WSCD2: variants seen among roughly 807,000 people sequenced by gnomAD.
WSCD2 encodes the protein WSC domain sialate O sulfotransferase 2, also known as sialate:O-sulfotransferase 2.
A neutral mutation model predicts 55.7 loss-of-function variants in WSCD2; 28 were observed. The observed-to-expected ratio is 0.50, with a 90% CI of 0.37 to 0.69. The LOEUF is 0.69. WSCD2 is among the 30% of genes least tolerant of loss of function. WSCD2 has a pLI of 0.00. For missense variants in WSCD2, 616 were observed against 762.1 expected, an observed-to-expected ratio of 0.81 and a Z score of 2.26; for synonymous variants, 301 against 301.9, an observed-to-expected ratio of 1.00 and a Z score of 0.03.
intron 1 of WSCD2, among the ~76,000 whole-genome samples, chr12:108,155,855 A>T (rs1666071744): frequency 1.3e-5 from 2 of 152,192 alleles, no homozygotes. Context: ...GAAGATGAAG[A>T]TGATCTGAAA....
chr12:108,147,895 A>G (rs1326903925), intron 1 of WSCD2, among the ~76,000 whole-genome samples: 3 of 151,528 alleles, frequency 2.0e-5, no homozygotes, highest in Non-Finnish European at 4.4e-5. Context: ...AAATGACCAT[A>G]CTCTTTCTCT....
At position 108,180,402 on chromosome 12, in the gene WSCD2, G is replaced by C. The variant is rs573216959; in HGVS notation, c.-551-14880G>C. Reference sequence around the variant, plus strand: ...TTTTCCTCAGAGATGATGCATTTGTGCAGTTTGTGCAGGATACTCTCGCTG... The same window carrying C: ...TTTTCCTCAGAGATGATGCATTTGTCCAGTTTGTGCAGGATACTCTCGCTG... On this transcript the variant is annotated intron_variant, in intron 1 of 8. Coordinates refer to ENST00000547525, the MANE Select transcript of WSCD2 (RefSeq NM_014653.4). Among the ~76,000 whole-genome samples, 48 of 152,344 alleles carry C rather than the reference G, an allele frequency of 3.2e-4. No homozygotes were observed. The South Asian group carries it at 7.0e-3, about 22-fold the overall frequency.
intron 1 of WSCD2, among the ~76,000 whole-genome samples, chr12:108,165,703 T>C (rs953065508): frequency 5.9e-4 from 90 of 152,370 alleles, no homozygotes; most frequent in Middle Eastern, 6.8e-3. Context: ...CACACCACCC[T>C]TGCAATTTTT....
chr12:108,201,143 C>A (rs1884617176), intron 2 of WSCD2, among the ~76,000 whole-genome samples: 1 of 152,202 alleles, frequency 6.6e-6, no homozygotes, highest in Non-Finnish European at 1.5e-5. Context: ...GATATCTATT[C>A]TCTCACAGTT....
At chr12:108,236,408 A>G (rs1364689719) in intron 7 of WSCD2, among the ~76,000 whole-genome samples, 1 of 152,176 alleles carries the variant, frequency 6.6e-6, no homozygotes, top group Non-Finnish European at 1.5e-5. Flanking sequence ...GGAGGGAATT[A>G]ATGAGTGAAT....
chr12:108,236,390 G>A (rs1889265608), intron 7 of WSCD2, among the ~76,000 whole-genome samples: 1 of 152,198 alleles, frequency 6.6e-6, no homozygotes, highest in African/African-American at 2.4e-5. Context: ...AGCTGGTGAG[G>A]CAGGGAGGGA....
intron 8 of WSCD2, 67 bp downstream of exon 8, chr12:108,240,611 C>A (rs1454743185): frequency 4.8e-6 from 7 of 1,469,078 alleles, no homozygotes; most frequent in Admixed American, 3.9e-5. Flanking sequence ...GTGGGAGGGT[C>A]CCGTGCTCCG....
intron 8 of WSCD2, among the ~76,000 whole-genome samples, chr12:108,241,271 A>G (rs922520399): frequency 3.1e-4 from 47 of 152,214 alleles, no homozygotes; most frequent in African/African-American, 9.9e-4. Flanking sequence ...TTACTAGGTG[A>G]CAGAGGGCTG....
At chr12:108,140,125 C>T (rs1383809838) in intron 1 of WSCD2, among the ~76,000 whole-genome samples, 12 of 152,178 alleles carry the variant, frequency 7.9e-5, no homozygotes, top group African/African-American at 1.4e-4. Context: ...TCCCGAGTCA[C>T]GCCCAGGGTC....
intron 1 of WSCD2, among the ~76,000 whole-genome samples, chr12:108,175,643 C>G (rs538206230): frequency 6.6e-6 from 1 of 152,146 alleles, no homozygotes; most frequent in African/African-American, 2.4e-5. Flanking sequence ...GGATGAGGGG[C>G]GTGTGGGAAC....
At chr12:108,182,425 C>T (rs113209488) in intron 1 of WSCD2, among the ~76,000 whole-genome samples, 2,467 of 152,266 alleles carry the variant, frequency 0.016, 36 homozygotes, top group Non-Finnish European at 0.028. Flanking sequence ...TTGGAGAGCC[C>T]ACCAACATTG....
chr12:108,224,499 G>C (rs191444327), intron 4 of WSCD2, among the ~76,000 whole-genome samples: 1 of 152,330 alleles, frequency 6.6e-6, no homozygotes, highest in Admixed American at 6.5e-5. Context: ...TCAGCGACCT[G>C]GGTTGTTGAC....
chr12:108,209,100 T>C (rs1283035001), intron 3 of WSCD2, among the ~76,000 whole-genome samples: 2 of 152,226 alleles, frequency 1.3e-5, no homozygotes, highest in East Asian at 1.9e-4. Context: ...CAAGCAATGC[T>C]CTTTTCATTT....
In WSCD2 at chr12:108,196,219, G is replaced by C; in HGVS notation, c.382+5G>C. ...GGGAGAAGGAGGAAGAGCGAGGTAA[G>C]AGCGAGGAACATCTGGACACTGAGG... On this transcript the variant is annotated splice_donor_5th_base_variant and intron_variant, in intron 2 of 8. Transcript: ENST00000547525. 1 of 1,609,806 alleles carries C rather than the reference G, an allele frequency of 6.2e-7. No individual in the cohort carries two copies. Among genetic ancestry groups the C allele is most frequent in the Non-Finnish European group, 8.5e-7 (1 of 1,177,828 alleles).
intron 8 of WSCD2, among the ~76,000 whole-genome samples, chr12:108,247,252 G>T (rs866352325): frequency 2.0e-5 from 3 of 151,498 alleles, no homozygotes; most frequent in Admixed American, 6.6e-5. Flanking sequence ...TAAGGTTGTT[G>T]TGAAGATTAA....
At chr12:108,138,314 A>G (rs773979052) in intron 1 of WSCD2, among the ~76,000 whole-genome samples, 22 of 152,308 alleles carry the variant, frequency 1.4e-4, no homozygotes, top group Non-Finnish European at 2.6e-4. Context: ...GCATCTTCAT[A>G]CATGTCCAGT....
At chr12:108,244,259 G>A (rs570841064) in intron 8 of WSCD2, among the ~76,000 whole-genome samples, 1 of 152,178 alleles carries the variant, frequency 6.6e-6, no homozygotes. Context: ...TGAGTTAAAC[G>A]AGGGCTTTGG....
intron 1 of WSCD2, among the ~76,000 whole-genome samples, chr12:108,156,546 A>G (rs920256659): frequency 1.3e-5 from 2 of 152,292 alleles, no homozygotes; most frequent in African/African-American, 2.4e-5. Flanking sequence ...TACGTTGTCT[A>G]TATATTTAAG....
intron 2 of WSCD2, among the ~76,000 whole-genome samples, chr12:108,201,833 A>C (rs1237653071): frequency 6.6e-6 from 1 of 152,194 alleles, no homozygotes; most frequent in South Asian, 2.1e-4. Context: ...GTAGCAAAAG[A>C]AAAAAGTAAA....
Sources: allele counts gnomAD v4.1 joint callset (sites outside exome capture counted in the v4.1 genomes callset), GRCh38; gene constraint gnomAD v4.1.1; transcripts MANE v1.5; gene names NCBI Gene and HGNC (gene_info 2026-07-23, HGNC 2026-07-21).